VAV3: variants seen among roughly 807,000 people sequenced by gnomAD.
The protein encoded by VAV3 is vav guanine nucleotide exchange factor 3.
VAV3 carries 94 observed loss-of-function variants against 131.2 expected under a neutral mutation model. The ratio of observed to expected loss-of-function variants is 0.72; its 90% CI spans 0.61 to 0.85. VAV3 has a LOEUF of 0.85. Ranked by LOEUF, VAV3 falls within the 40% of genes least tolerant of loss-of-function variation. The probability of loss-of-function intolerance (pLI) is 0.00; values close to 1 mark genes in which losing one functional copy is unlikely to be tolerated. For synonymous variants in VAV3, 349 were observed against 342.0 expected, an observed-to-expected ratio of 1.02 and a Z score of -0.22; for missense variants, 939 against 1,002.7, an observed-to-expected ratio of 0.94 and a Z score of 0.86.
intron 2 of VAV3, 81 bp downstream of exon 2, chr1:107,874,820 C>T (rs1170187171): frequency 8.0e-7 from 1 of 1,249,220 alleles, no homozygotes; most frequent in Non-Finnish European, 1.2e-6. Context: ...ACTTAAGTCA[C>T]ATGCCCTACT....
chr1:107,734,234 C>T (rs1343521451), intron 15 of VAV3, among the ~76,000 whole-genome samples: 2 of 152,134 alleles, frequency 1.3e-5, no homozygotes, highest in African/African-American at 4.8e-5. Flanking sequence ...AAGGAACAAC[C>T]GGTAACAGCC....
chr1:107,763,493 G>T (rs899473064), intron 9 of VAV3, among the ~76,000 whole-genome samples: 8 of 152,132 alleles, frequency 5.3e-5, no homozygotes, highest in African/African-American at 1.7e-4. Flanking sequence ...CTTTAATGTT[G>T]CCCTACTAGG....
intron 19 of VAV3, among the ~76,000 whole-genome samples, chr1:107,675,313 A>C (rs1658123081): frequency 6.6e-6 from 1 of 152,160 alleles, no homozygotes; most frequent in Non-Finnish European, 1.5e-5. Flanking sequence ...TCATTATCTC[A>C]TTTAATCTTC....
intron 1 of VAV3, among the ~76,000 whole-genome samples, chr1:107,938,421 T>C (rs1419071076): frequency 6.6e-6 from 1 of 152,122 alleles, no homozygotes; most frequent in Non-Finnish European, 1.5e-5. Flanking sequence ...GGTGGGTTTT[T>C]TGGGGGGCTA....
intron 19 of VAV3, among the ~76,000 whole-genome samples, chr1:107,651,233 A>G (rs2101572504): frequency 6.6e-6 from 1 of 152,272 alleles, no homozygotes; most frequent in African/African-American, 2.4e-5. Context: ...CACAGAGTCT[A>G]TGGTATTTTG....
At chr1:107,826,033 T>C (rs1373962362) in intron 2 of VAV3, among the ~76,000 whole-genome samples, 2 of 152,134 alleles carry the variant, frequency 1.3e-5, no homozygotes, top group Non-Finnish European at 2.9e-5. Flanking sequence ...CAGAGAGGCA[T>C]ATGTACTCTT....
chr1:107,740,310 G>GTTGA (rs1662936961), intron 15 of VAV3, among the ~76,000 whole-genome samples: 1 of 151,494 alleles, frequency 6.6e-6, no homozygotes, highest in African/African-American at 2.4e-5. Context: ...AATGCTTCTT[G>GTTGA]TTGATATGGC....
chr1:107,710,290 T>C (rs1248665760), intron 15 of VAV3, among the ~76,000 whole-genome samples: 1 of 152,152 alleles, frequency 6.6e-6, no homozygotes, highest in Non-Finnish European at 1.5e-5. Flanking sequence ...AATTATGTAG[T>C]ATACATAAAA....
intron 1 of VAV3, among the ~76,000 whole-genome samples, chr1:107,926,316 C>T (rs972138571): frequency 6.6e-5 from 10 of 151,912 alleles, no homozygotes; most frequent in African/African-American, 2.2e-4. Flanking sequence ...AAAGAATCAA[C>T]AAGGGGCTCC....
At chr1:107,715,803 C>T (rs1661058256) in intron 15 of VAV3, among the ~76,000 whole-genome samples, 1 of 152,134 alleles carries the variant, frequency 6.6e-6, no homozygotes, top group Non-Finnish European at 1.5e-5. Context: ...TTCTCATTCT[C>T]TGGTCCAATA....
chr1:107,697,392 AG>A (rs1217621533), intron 17 of VAV3, among the ~76,000 whole-genome samples: 1 of 152,218 alleles, frequency 6.6e-6, no homozygotes, highest in Admixed American at 6.5e-5. Flanking sequence ...AGGGAGAGAA[AG>A]GGCACCAACG....
At chr1:107,772,599 A>T in intron 5 of VAV3, 136 bp downstream of exon 5, 1 of 658,848 alleles carries the variant, frequency 1.5e-6, no homozygotes, top group Non-Finnish European at 2.5e-6. Context: ...CAAATGCAGT[A>T]ACAAGTCATA....
intron 2 of VAV3, among the ~76,000 whole-genome samples, chr1:107,873,927 T>C (rs1670367419): frequency 6.6e-6 from 1 of 152,160 alleles, no homozygotes; most frequent in South Asian, 2.1e-4. Flanking sequence ...AAATTTCCTA[T>C]ATTTCTGTCT....
intron 5 of VAV3, among the ~76,000 whole-genome samples, chr1:107,772,421 T>G (rs1458961905): frequency 6.6e-6 from 1 of 152,222 alleles, no homozygotes; most frequent in African/African-American, 2.4e-5. Context: ...TATAAGAGTA[T>G]AATTTCATGA....
At chr1:107,714,692 G>C (rs1570807987) in intron 15 of VAV3, among the ~76,000 whole-genome samples, 1 of 151,782 alleles carries the variant, frequency 6.6e-6, no homozygotes, top group South Asian at 2.1e-4. Context: ...GCAAGAAAAC[G>C]AAAAACAAAC....
intron 12 of VAV3, among the ~76,000 whole-genome samples, chr1:107,753,527 C>CACAT (rs752202122): frequency 2.1e-4 from 20 of 94,756 alleles, no homozygotes; most frequent in African/African-American, 4.5e-4. Context: ...TATATATATA[C>CACAT]GTATATATAT....
intron 13 of VAV3, among the ~76,000 whole-genome samples, chr1:107,749,931 TA>T (rs1345959693): frequency 6.6e-6 from 1 of 152,162 alleles, no homozygotes; most frequent in East Asian, 1.9e-4. Context: ...ATTTAAAAGC[TA>T]AAAACCTATA....
intron 19 of VAV3, among the ~76,000 whole-genome samples, chr1:107,656,452 G>A (rs1656563691): frequency 6.6e-6 from 1 of 152,160 alleles, no homozygotes; most frequent in African/African-American, 2.4e-5. Flanking sequence ...GGTTACCAGA[G>A]GCTGGGAAGT....
intron 19 of VAV3, among the ~76,000 whole-genome samples, chr1:107,665,442 C>T (rs999102015): frequency 5.9e-5 from 9 of 152,150 alleles, no homozygotes; most frequent in African/African-American, 2.2e-4. Context: ...GTAGACTACT[C>T]CCATTGTATC....
Sources: gnomAD v4.1 joint callset for allele counts (sites outside exome capture counted in the v4.1 genomes callset) on GRCh38, gnomAD v4.1.1 for gene constraint, MANE v1.5 for transcripts, NCBI Gene and HGNC (gene_info 2026-07-23, HGNC 2026-07-21) for gene names.